STOML1: variants seen among roughly 807,000 people sequenced by gnomAD.
STOML1 encodes the protein stomatin like 1, also known as stomatin-like protein 1.
STOML1 carries 27 observed loss-of-function variants against 35.7 expected under a neutral mutation model. The ratio of observed to expected loss-of-function variants is 0.76; its 90% CI spans 0.56 to 1.04. The LOEUF (loss-of-function observed/expected upper bound fraction) is 1.04. STOML1 is among the 50% of genes least tolerant of loss of function. STOML1 has a pLI of 0.00. For synonymous variants in STOML1, 219 were observed against 227.9 expected (o/e 0.96, Z 0.35); for missense variants, 451 against 527.1 (o/e 0.86, Z 1.41).
upstream of STOML1, chr15:73,994,556 G>T: frequency 1.8e-6 from 1 of 568,036 alleles, no homozygotes; most frequent in Middle Eastern, 4.7e-4. Flanking sequence ...TTTACCGTAA[G>T]TCAGCGGTAG....
In STOML1 at chr15:73,983,761, C is replaced by T. The variant is rs547750257; in HGVS notation, c.*176G>A. The T allele has an allele frequency of 3.0e-5, 20 of 661,352 alleles. No homozygotes were observed. The highest frequency in any genetic ancestry group is 3.0e-5 in the Non-Finnish European group (12 of 396,456). 41.0% of individuals were successfully genotyped at this position (661,352 alleles called of 1,614,324 possible). A position where few individuals can be genotyped will look rare whatever the true frequency, so the allele number is the denominator to read the frequency against. ...GTCCAGAGAACCACTGTAGGGGAGA[C>T]GTGCATGGCAGCCGGACTCAGCCTC... On this transcript the variant is annotated 3_prime_UTR_variant, in exon 7 of 7. Coordinates refer to ENST00000541638, the MANE Select transcript of STOML1 (RefSeq NM_004809.5).
chr15:73,985,391 G>C lies in STOML1; in HGVS notation c.717C>G (p.Leu239=). ...SPAGPNLDST[L]QQLALHFLGG... Reference sequence around the variant, plus strand: ...CCAGGAAGTGCAGGGCCAGCTGCTGGAGGGTGCTGTCCAGGTTGGGCCCAG... The same window carrying C: ...CCAGGAAGTGCAGGGCCAGCTGCTGCAGGGTGCTGTCCAGGTTGGGCCCAG... Residue 239 remains leucine (L), a synonymous_variant, in exon 5 of 7, where the codon CTC becomes CTG. Coordinates refer to ENST00000541638, the MANE Select transcript of STOML1 (RefSeq NM_004809.5). The C allele has an allele frequency of 6.4e-7, 1 of 1,559,596 alleles. No individual in the cohort carries two copies. The highest frequency in any genetic ancestry group is 8.6e-7 in the Non-Finnish European group (1 of 1,160,078).
At chr15:73,992,494 TCTC>T (rs546831096), upstream of STOML1, 21 of 315,742 alleles carry the variant, frequency 6.7e-5, no homozygotes, top group East Asian at 1.2e-4. Context: ...CCTCCCCTCT[TCTC>T]CTACTCAGCC....
In STOML1 at chr15:73,992,265, C is replaced by A. The variant is rs369071154; in HGVS notation, c.-42G>T. 4.6e-5 allele frequency: 72 copies of A among 1,564,538 alleles called. No individual in the cohort carries two copies. The highest frequency in any genetic ancestry group is 7.9e-5 in the Admixed American group (4 of 50,898). ...CACGCCCCGCGCCTCCGCGCGGCGC[C>A]CTCCCTGGCCAGTGGGCCCTACGCG... is the stretch of plus-strand genomic sequence containing the variant. On this transcript the variant is annotated 5_prime_UTR_variant, in exon 1 of 7. Transcript: ENST00000541638.
chr15:73,988,446 C>G lies in STOML1; in HGVS notation c.594+153G>C. ...CCTGCCATTCCTCAACTCATGGCCC[C>G]ACCCAGGCACTGGCTCTTCAAAGGT... On this transcript the variant is annotated intron_variant, in intron 4 of 6. Transcript: ENST00000541638. This position sits in a 1 kb window ranked among gnomAD's most constrained non-coding sequence, Gnocchi z 4.8. The G allele has an allele frequency of 1.1e-6, 1 of 890,500 alleles. No individual in the cohort carries two copies. The highest frequency in any genetic ancestry group is 1.7e-6 in the Non-Finnish European group (1 of 596,408). 55.2% of individuals were successfully genotyped at this position (890,500 alleles called of 1,614,324 possible).
chr15:73,989,757 T>C (rs970668814), intron 2 of STOML1, among the ~76,000 whole-genome samples: 1 of 152,172 alleles, frequency 6.6e-6, no homozygotes, highest in African/African-American at 2.4e-5. Flanking sequence ...TCACATGGCA[T>C]TTGTTTCTGT....
chr15:73,985,276 A>G, intron 5 of STOML1, 42 bp downstream of exon 5: 1 of 1,500,748 alleles, frequency 6.7e-7, no homozygotes, highest in Non-Finnish European at 8.9e-7. Context: ...TGCTGGCACC[A>G]AGCTGGTAAA....
At position 73,989,128 on chromosome 15, in the gene STOML1, A is replaced by C. The variant is rs112182005; in HGVS notation, c.370T>G (p.Phe124Val). Residue 124 changes from phenylalanine (F) to valine (V), a missense_variant, in exon 3 of 7, where the codon TTC (phenylalanine) becomes GTC (valine). Coordinates refer to ENST00000541638, the MANE Select transcript of STOML1 (RefSeq NM_004809.5). ...CTCACCTTGCAGGGAGGGACGTTGA[A>C]GGCTCGTGTCCTCAGATCCACCCTC... ...FQRVDLRTRA[F>V]NVPPCKLASK... 2 of 1,604,696 alleles carry C rather than the reference A, an allele frequency of 1.2e-6. No homozygotes were observed. The highest frequency in any genetic ancestry group is 1.7e-6 in the Non-Finnish European group (2 of 1,174,960).
At position 73,982,210 on chromosome 15, in the gene STOML1, AAC is replaced by A. The variant is rs1174861388; in HGVS notation, c.*1725_*1726del. 1 of 152,594 alleles carries A rather than the reference AAC, an allele frequency of 6.6e-6. No homozygotes were observed. The highest frequency in any genetic ancestry group is 1.5e-5 in the Non-Finnish European group (1 of 68,304). 9.5% of individuals were successfully genotyped at this position (152,594 alleles called of 1,614,324 possible). On this transcript the variant is annotated 3_prime_UTR_variant, in exon 7 of 7. Coordinates refer to ENST00000541638, the MANE Select transcript of STOML1 (RefSeq NM_004809.5). Reference sequence around the variant, plus strand: ...GGCAGCCATATATGCAAGGAGCAGAAACACACAATGTGGAATGGGTGCAGAGA... The same window carrying A: ...GGCAGCCATATATGCAAGGAGCAGAAACACAATGTGGAATGGGTGCAGAGA...
chr15:73,984,746 G>C lies in STOML1; in HGVS notation c.916C>G (p.Leu306Val). Residue 306 changes from leucine (L) to valine (V), a missense_variant, in exon 6 of 7, where the codon CTG becomes GTG. Transcript: ENST00000541638. ...TAGCAGGCCCCGACTTGGCTGACCA[G>C]GGCCTCAGACAGGAAGGGCTGTAGA... Reference protein sequence around the residue: ...TALQPFLSEALVSQVGACYQF... With the variant: ...TALQPFLSEAVVSQVGACYQF... The C allele has an allele frequency of 6.2e-7, 1 of 1,614,090 alleles. No individual in the cohort carries two copies. Among genetic ancestry groups the C allele is most frequent in the Non-Finnish European group, 8.5e-7 (1 of 1,180,044 alleles).
intron 4 of STOML1, chr15:73,987,049 G>T (rs1595862101): frequency 6.5e-6 from 1 of 154,292 alleles, no homozygotes; most frequent in Non-Finnish European, 1.4e-5. Flanking sequence ...GGTTTGAAGG[G>T]GTGAAACTGG....
chr15:73,990,930 A>G, intron 1 of STOML1: 1 of 1,516,654 alleles, frequency 6.6e-7, no homozygotes, highest in Non-Finnish European at 8.8e-7. Flanking sequence ...AGTCCTTATG[A>G]AGATGATGCC....
intron 6 of STOML1, among the ~76,000 whole-genome samples, chr15:73,984,453 T>G (rs1440233044): frequency 6.6e-6 from 1 of 152,232 alleles, no homozygotes; most frequent in Non-Finnish European, 1.5e-5. Flanking sequence ...CTCTTGGTAT[T>G]GGAAGCCTGG....
chr15:73,985,631 C>A, intron 4 of STOML1, 118 bp from the exon 5 acceptor site: 1 of 1,228,064 alleles, frequency 8.1e-7, no homozygotes, highest in South Asian at 1.6e-5. Flanking sequence ...CCTTGAGACA[C>A]TCCTAGCCTG....
At position 73,988,186 on chromosome 15, in the gene STOML1, C is replaced by A; in HGVS notation, c.594+413G>T. On this transcript the variant is annotated intron_variant, in intron 4 of 6. Transcript: ENST00000541638. The surrounding 1 kb of genome is among the most constrained non-coding windows in gnomAD (Gnocchi z 4.8). The stretch of plus-strand genomic sequence containing the variant: ...GAAACAAAAATCACAAGCATGCACA[C>A]GCTGCATGGTGAGCCTGGAATTCCC... The A allele has an allele frequency of 5.3e-6, 1 of 187,640 alleles. No homozygotes were observed. Among genetic ancestry groups the A allele is most frequent in the Non-Finnish European group, 1.1e-5 (1 of 89,136 alleles). The allele number at this position is 187,640 out of a possible 1,614,324, so 11.6% of individuals were successfully genotyped here.
intron 1 of STOML1, among the ~76,000 whole-genome samples, chr15:73,991,432 G>A (rs924755854): frequency 6.6e-6 from 1 of 152,262 alleles, no homozygotes; most frequent in Non-Finnish European, 1.5e-5. Context: ...CTTTGTGCCT[G>A]GCTCTGATCC....
intron 4 of STOML1, chr15:73,987,382 GCTCA>G (rs2069132751): frequency 6.6e-6 from 1 of 152,262 alleles, no homozygotes; most frequent in African/African-American, 2.4e-5. Flanking sequence ...TCTACCAGGT[GCTCA>G]CTCAGTCTGG....
chr15:73,994,276 A>G (rs769969298), upstream of STOML1, among the ~76,000 whole-genome samples: 5 of 151,986 alleles, frequency 3.3e-5, no homozygotes, highest in Non-Finnish European at 7.4e-5. Flanking sequence ...TGTCCCCCGT[A>G]CCCCACCACC....
At chr15:73,990,882 C>T in intron 1 of STOML1, 1 of 1,535,396 alleles carries the variant, frequency 6.5e-7, no homozygotes. Context: ...AAAACACATT[C>T]CTCCTATACC....
Sources: allele counts gnomAD v4.1 joint callset (sites outside exome capture counted in the v4.1 genomes callset), GRCh38; gene constraint gnomAD v4.1.1; non-coding constraint Gnocchi (gnomAD v3.1); transcripts MANE v1.5; gene names NCBI Gene and HGNC (gene_info 2026-07-23, HGNC 2026-07-21).